FRMPD1: variants seen among roughly 807,000 people sequenced by gnomAD.
FRMPD1 encodes FERM and PDZ domain containing 1.
A neutral mutation model predicts 117.8 loss-of-function variants in FRMPD1; 76 were observed. The ratio of observed to expected loss-of-function variants is 0.65; its 90% confidence interval spans 0.54 to 0.78. The LOEUF (loss-of-function observed/expected upper bound fraction) is 0.78, where lower values mean the gene tolerates loss of function less well. Ranked by LOEUF, FRMPD1 falls within the 30% of genes least tolerant of loss-of-function variation. The pLI is 0.00. For missense variants in FRMPD1, 1,786 were observed against 1,964.5 expected (o/e 0.91, Z 1.72); for synonymous variants, 783 against 770.4 (o/e 1.02, Z -0.27).
intron 7 of FRMPD1, among the ~76,000 whole-genome samples, chr9:37,725,889 A>C (rs1371961930): frequency 6.6e-6 from 1 of 152,240 alleles, no homozygotes; most frequent in African/African-American, 2.4e-5. Context: ...CATTCTGCAG[A>C]AAAGGGAAGC....
chr9:37,713,181 A>G (rs1455102479), intron 5 of FRMPD1, among the ~76,000 whole-genome samples: 1 of 152,228 alleles, frequency 6.6e-6, no homozygotes, highest in East Asian at 1.9e-4. Flanking sequence ...TTTAAAAAGG[A>G]TAATGAGGAT....
chr9:37,696,580 A>G (rs763427528), intron 2 of FRMPD1, among the ~76,000 whole-genome samples: 4 of 152,236 alleles, frequency 2.6e-5, no homozygotes, highest in Non-Finnish European at 5.9e-5. Context: ...ACAGTTTTAA[A>G]ACATGTGGGA....
intron 7 of FRMPD1, among the ~76,000 whole-genome samples, chr9:37,725,710 C>T (rs553078558): frequency 2.6e-5 from 4 of 152,282 alleles, no homozygotes; most frequent in East Asian, 1.9e-4. Flanking sequence ...TTCTTGTATA[C>T]GATCTCATTT....
chr9:37,744,572 C>T lies in FRMPD1; in HGVS notation c.2540C>T (p.Thr847Ile), dbSNP rs1824588396. ...KRRSFLQTDY[T>I]SQVSFPLVPS... Reference sequence around the variant, plus strand: ...AGGTCTTTCCTACAGACCGACTACACCTCTCAGGTCTCATTTCCCCTGGTG... The same window carrying T: ...AGGTCTTTCCTACAGACCGACTACATCTCTCAGGTCTCATTTCCCCTGGTG... The change falls in exon 16 of 16, where the codon ACC becomes ATC. Residue 847 changes from threonine (T) to isoleucine (I), a missense_variant. Coordinates refer to ENST00000377765, the MANE Select transcript of FRMPD1 (RefSeq NM_014907.3). The T allele has an allele frequency of 3.7e-6, 6 of 1,613,978 alleles. No individual in the cohort carries two copies. The highest frequency in any genetic ancestry group is 1.1e-5 in the South Asian group (1 of 91,086).
At chr9:37,603,304 A>T in the FRMPD1 span, among the ~76,000 whole-genome samples, 1 of 152,186 alleles carries the variant, frequency 6.6e-6, no homozygotes, top group Admixed American at 6.5e-5. Context: ...TTTGGTGATC[A>T]GTGTGAAGAC....
Position 37,744,545 on chromosome 9 carries a change from G to C in FRMPD1, c.2513G>C (p.Arg838Thr). 1 of 1,614,112 alleles carries C rather than the reference G, an allele frequency of 6.2e-7. No individual in the cohort carries two copies. The highest frequency in any genetic ancestry group is 8.5e-7 in the Non-Finnish European group (1 of 1,179,986). Residue 838 changes from arginine to threonine, a missense_variant, in exon 16 of 16, where the codon AGA becomes ACA. Physicochemically the swap from Arg to Thr is moderately conservative, Grantham distance 71. Transcript: ENST00000377765. ...AAATATGCCAAGACCCTGAGGAAAA[G>C]AAGGTCTTTCCTACAGACCGACTAC... Reference protein sequence around the residue: ...VKKYAKTLRKRRSFLQTDYTS... With the variant: ...VKKYAKTLRKTRSFLQTDYTS...
At position 37,746,829 on chromosome 9, in the gene FRMPD1, C is replaced by T. The variant is rs572560438; in HGVS notation, c.*60C>T. 6 of 1,116,428 alleles carry T rather than the reference C, an allele frequency of 5.4e-6. No homozygotes were observed. Among genetic ancestry groups the T allele is most frequent in the Non-Finnish European group, 6.7e-6 (5 of 746,144 alleles). The allele number at this position is 1,116,428 out of a possible 1,614,324, so 69.2% of individuals were successfully genotyped here. On this transcript the variant is annotated 3_prime_UTR_variant, in exon 16 of 16. Transcript: ENST00000377765. ...CTGCCTTGGACACTTCCCTGAGAAG[C>T]CCCTTCCACTCTCCCACCCACCCTC... is the stretch of plus-strand genomic sequence containing the variant.
Position 37,717,381 on chromosome 9 carries a change from A to T in FRMPD1, c.409-1688A>T, listed in dbSNP as rs1041491081. 6.4e-3 allele frequency among the ~76,000 whole-genome samples: 728 copies of T among 114,310 alleles called. 9 individuals are homozygous for T. The highest frequency in any genetic ancestry group is 0.016 in the African/African-American group (483 of 30,828). The allele number at this position is 114,310 out of a possible 152,430, so 75.0% of individuals were successfully genotyped here. A position where few individuals can be genotyped will look rare whatever the true frequency, so the allele number is the denominator to read the frequency against. On this transcript the variant is annotated intron_variant, in intron 5 of 15. Coordinates refer to ENST00000377765, the MANE Select transcript of FRMPD1 (RefSeq NM_014907.3). Reference sequence around the variant, plus strand: ...TGTGTGTGTGTGTGTATATATATATATTTTTTTTTTTTTTTTGAGATGTAG... The same window carrying T: ...TGTGTGTGTGTGTGTATATATATATTTTTTTTTTTTTTTTTTGAGATGTAG...
chr9:37,726,594 A>G (rs1458986567), intron 7 of FRMPD1, among the ~76,000 whole-genome samples: 1 of 152,136 alleles, frequency 6.6e-6, no homozygotes, highest in African/African-American at 2.4e-5. Context: ...GCTACTTGGG[A>G]GGCTGAGGCA....
At chr9:37,707,594 G>A (rs1822760962) in intron 3 of FRMPD1, 21 bp downstream of exon 3, 2 of 1,606,122 alleles carry the variant, frequency 1.2e-6, no homozygotes, top group East Asian at 4.5e-5. Context: ...ACTGGGAAAT[G>A]AGAAAGGAGT....
rs574623304 is a variant in FRMPD1, at chr9:37,740,294, C to T, written c.1766C>T (p.Ala589Val). Residue 589 changes from alanine (A) to valine (V), a missense_variant, in exon 15 of 16, where the codon GCG becomes GTG. Transcript: ENST00000377765. This position sits in a 1 kb window ranked among gnomAD's most constrained non-coding sequence, Gnocchi z 4.2. ...SSTTDSAESE[A>V]SDSANTESRG... is the part of the protein sequence containing the mutation. ...ACGACAGACAGTGCCGAGTCCGAGG[C>T]GTCCGACTCAGCCAACACTGAGAGC... The T allele has an allele frequency of 3.5e-5, 57 of 1,613,748 alleles. No individual in the cohort carries two copies. The highest frequency in any genetic ancestry group is 1.7e-4 in the Middle Eastern group (1 of 6,058).
rs767261265 is a variant in FRMPD1 at position 37,745,176 on chromosome 9, C to G, written c.3144C>G (p.Pro1048=). ...QGDTLELQLE[P]HVQLEMGLES... ...ACACACTAGAGCTCCAGTTGGAGCC[C>G]CATGTCCAGTTGGAAATGGGATTGG... The change falls in exon 16 of 16, where the codon CCC becomes CCG. Residue 1048 remains proline, a synonymous_variant. Coordinates refer to ENST00000377765, the MANE Select transcript of FRMPD1 (RefSeq NM_014907.3). 3.1e-6 allele frequency: 5 copies of G among 1,613,988 alleles called. No individual in the cohort carries two copies. The Admixed American group carries it at 8.3e-5, about 27-fold the overall frequency.
At chr9:37,616,420 A>C in the FRMPD1 span, among the ~76,000 whole-genome samples, 1 of 152,152 alleles carries the variant, frequency 6.6e-6, no homozygotes, top group African/African-American at 2.4e-5. Flanking sequence ...CCCGGCCCAC[A>C]TCTGTTGTTT....
At chr9:37,642,582 T>C in the FRMPD1 span, among the ~76,000 whole-genome samples, 3 of 152,148 alleles carry the variant, frequency 2.0e-5, no homozygotes, top group African/African-American at 7.2e-5. Context: ...CTAACAAATA[T>C]TAGGTCTCAA....
At chr9:37,611,344 G>A in the FRMPD1 span, among the ~76,000 whole-genome samples, 9 of 152,098 alleles carry the variant, frequency 5.9e-5, no homozygotes, top group Non-Finnish European at 8.8e-5. Context: ...TTCTGCGGAC[G>A]GCCCCACCTG....
intron 1 of FRMPD1, among the ~76,000 whole-genome samples, chr9:37,669,334 C>T (rs1430757518): frequency 6.6e-6 from 1 of 152,184 alleles, no homozygotes; most frequent in Non-Finnish European, 1.5e-5. Flanking sequence ...AGTATGGTCC[C>T]CACCTGTATT....
At chr9:37,677,752 A>G (rs1216901718) in intron 1 of FRMPD1, among the ~76,000 whole-genome samples, 1 of 152,238 alleles carries the variant, frequency 6.6e-6, no homozygotes, top group East Asian at 1.9e-4. Context: ...ACCAAACAAG[A>G]TCATCTGCCC....
chr9:37,612,084 G>A, the FRMPD1 span, among the ~76,000 whole-genome samples: 1 of 152,212 alleles, frequency 6.6e-6, no homozygotes, highest in African/African-American at 2.4e-5. Context: ...TCATTTCCTT[G>A]ACCATTTATA....
At chr9:37,731,396 C>T (rs926241461) in intron 9 of FRMPD1, among the ~76,000 whole-genome samples, 2 of 152,100 alleles carry the variant, frequency 1.3e-5, no homozygotes, top group Non-Finnish European at 2.9e-5. Flanking sequence ...CCAAAAGGGG[C>T]CTTAGTGCTT....
Sources: gnomAD v4.1 joint callset for allele counts (sites outside exome capture counted in the v4.1 genomes callset) on GRCh38, gnomAD v4.1.1 for gene constraint, Gnocchi (gnomAD v3.1) non-coding constraint, MANE v1.5 for transcripts, NCBI Gene and HGNC (gene_info 2026-07-23, HGNC 2026-07-21) for gene names.